RAB3GAP1: variants seen among roughly 807,000 people sequenced by gnomAD.
The protein encoded by RAB3GAP1 is rab3 GTPase-activating protein catalytic subunit.
Under a neutral mutation model 130.7 loss-of-function variants are expected in RAB3GAP1, and 86 were observed. That is an observed-to-expected ratio of 0.66 (90% CI 0.55 to 0.79). The LOEUF is 0.79. Ranked by LOEUF, RAB3GAP1 falls within the 30% of genes least tolerant of loss-of-function variation. The pLI, the probability that RAB3GAP1 is intolerant of heterozygous loss-of-function variation, is 0.00. For missense variants in RAB3GAP1, 1,029 were observed against 1,169.4 expected (o/e 0.88, Z 1.75); for synonymous variants, 367 against 401.7 (o/e 0.91, Z 1.03).
rs561466466 is a variant in RAB3GAP1, at chr2:135,110,990, A to G, written c.363-2161A>G. 4.6e-5 allele frequency among the ~76,000 whole-genome samples: 7 copies of G among 152,220 alleles called. No homozygotes were observed. In the East Asian group the frequency reaches 1.3e-3, roughly 29 times the overall value. Reference sequence around the variant, plus strand: ...AGGGACATTTGAAAAAAAGAAAACTATTTTTCAAAGATCTTTAGAGCTCAA... The same window carrying G: ...AGGGACATTTGAAAAAAAGAAAACTGTTTTTCAAAGATCTTTAGAGCTCAA... On this transcript the variant is annotated intron_variant, in intron 5 of 23. Coordinates refer to ENST00000264158, the MANE Select transcript of RAB3GAP1 (RefSeq NM_012233.3).
chr2:135,079,129 A>G (rs758057342), intron 3 of RAB3GAP1, among the ~76,000 whole-genome samples: 17 of 151,992 alleles, frequency 1.1e-4, no homozygotes, highest in Admixed American at 6.6e-4. Context: ...TCAGCCTCCC[A>G]CAGTGCTGGG....
chr2:135,129,969 CAA>C, intron 11 of RAB3GAP1, 24 bp from the exon 12 acceptor site: 1 of 1,467,608 alleles, frequency 6.8e-7, no homozygotes, highest in Non-Finnish European at 9.4e-7. Flanking sequence ...AGTTAAGTGT[CAA>C]AAATAACTTT....
chr2:135,068,591 A>G (rs1488930392), intron 3 of RAB3GAP1, among the ~76,000 whole-genome samples: 2 of 152,132 alleles, frequency 1.3e-5, no homozygotes, highest in Non-Finnish European at 2.9e-5. Context: ...TGTCTCTACT[A>G]AAAATACAAA....
At chr2:135,057,900 T>G in intron 2 of RAB3GAP1, 111 bp from the exon 3 acceptor site, 1 of 765,382 alleles carries the variant, frequency 1.3e-6, no homozygotes, top group Non-Finnish European at 2.3e-6. Context: ...ATGTACTGAG[T>G]CCTCTCTGGT....
chr2:135,150,334 G>A (rs1436743229), intron 17 of RAB3GAP1, 35 bp from the exon 18 acceptor site: 1 of 1,613,324 alleles, frequency 6.2e-7, no homozygotes, highest in Admixed American at 1.7e-5. Context: ...TCTAAAAAGG[G>A]CTGTTTATGA....
At chr2:135,070,313 T>C (rs1213015812) in intron 3 of RAB3GAP1, among the ~76,000 whole-genome samples, 1 of 152,188 alleles carries the variant, frequency 6.6e-6, no homozygotes, top group Non-Finnish European at 1.5e-5. Flanking sequence ...GCTTCTTCTT[T>C]TAGGTCAACA....
chr2:135,145,397 C>T (rs931924300), intron 17 of RAB3GAP1, among the ~76,000 whole-genome samples: 1 of 139,282 alleles, frequency 7.2e-6, no homozygotes, highest in Non-Finnish European at 1.5e-5. Context: ...CACACACACA[C>T]ATACACACAC....
Position 135,134,011 on chromosome 2 carries a change from G to C in RAB3GAP1, c.1477G>C (p.Glu493Gln). 1 of 1,613,850 alleles carries C rather than the reference G, an allele frequency of 6.2e-7. No homozygotes were observed. Among genetic ancestry groups the C allele is most frequent in the South Asian group, 1.1e-5 (1 of 91,080 alleles). The stretch of plus-strand genomic sequence containing the variant: ...TGTTCTTGAAATGCGTTTCCGATGG[G>C]AAAACAACTTTCTGATTCCAGGGTA... The part of the protein sequence containing the change: ...EFVLEMRFRW[E>Q]NNFLIPGLAS... Residue 493 changes from glutamate (E) to glutamine (Q), a missense_variant, in exon 15 of 24, where the codon GAA becomes CAA. By Grantham distance (29) the Glu-to-Gln change is conservative (BLOSUM62 2). This residue lies in a region of RAB3GAP1 where 373 missense variants were observed against 493.6 expected (regional missense o/e 0.76). Coordinates refer to ENST00000264158, the MANE Select transcript of RAB3GAP1 (RefSeq NM_012233.3).
At chr2:135,146,545 G>A (rs1238520933) in intron 17 of RAB3GAP1, among the ~76,000 whole-genome samples, 2 of 152,062 alleles carry the variant, frequency 1.3e-5, no homozygotes, top group African/African-American at 4.8e-5. Context: ...TTGCTATGGC[G>A]AATGCAGTTG....
chr2:135,126,091 C>A, intron 9 of RAB3GAP1, 90 bp from the exon 10 acceptor site: 1 of 1,000,472 alleles, frequency 1.0e-6, no homozygotes, highest in Non-Finnish European at 1.6e-6. Flanking sequence ...CTGTAACATA[C>A]TTTTATTTCC....
chr2:135,088,160 A>G (rs556680796), intron 3 of RAB3GAP1, among the ~76,000 whole-genome samples: 1 of 152,322 alleles, frequency 6.6e-6, no homozygotes, highest in African/African-American at 2.4e-5. Flanking sequence ...TCTCTGTATC[A>G]TTTAAAAAGA....
chr2:135,175,483 CT>C (rs1317305844), downstream of RAB3GAP1: 21 of 152,264 alleles, frequency 1.4e-4, no homozygotes, highest in Non-Finnish European at 1.5e-4. Context: ...ACCAACAATC[CT>C]TGAGCGAGCC....
At chr2:135,108,852 A>G (rs1231104071) in intron 5 of RAB3GAP1, among the ~76,000 whole-genome samples, 1 of 152,094 alleles carries the variant, frequency 6.6e-6, no homozygotes, top group Non-Finnish European at 1.5e-5. Context: ...ATTTTAAGTT[A>G]GTTTTTGTGG....
At position 135,169,733 on chromosome 2, in the gene RAB3GAP1, G is replaced by A. The variant is rs1260913286; in HGVS notation, c.*952G>A. 1 of 456,224 alleles carries A rather than the reference G, an allele frequency of 2.2e-6. No individual in the cohort carries two copies. Among genetic ancestry groups the A allele is most frequent in the East Asian group, 7.0e-5 (1 of 14,360 alleles). The allele number at this position is 456,224 out of a possible 1,614,324, so 28.3% of individuals were successfully genotyped here. On this transcript the variant is annotated 3_prime_UTR_variant, in exon 24 of 24. Coordinates refer to ENST00000264158, the MANE Select transcript of RAB3GAP1 (RefSeq NM_012233.3). The stretch of plus-strand genomic sequence containing the variant: ...CACACTATTTTGCTTTTGTATTTTA[G>A]TTAAAATAATCGATGGGGATGTGTA...
chr2:135,162,631 T>TA lies in RAB3GAP1; in HGVS notation c.2367dup (p.Leu790ThrfsTer16). 1 of 1,614,028 alleles carries TA rather than the reference T, an allele frequency of 6.2e-7. No homozygotes were observed. The highest frequency in any genetic ancestry group is 8.5e-7 in the Non-Finnish European group (1 of 1,179,874). On this transcript the variant is annotated frameshift_variant, in exon 20 of 24. Coordinates refer to ENST00000264158, the MANE Select transcript of RAB3GAP1 (RefSeq NM_012233.3). LOFTEE classifies it high-confidence loss of function. ...TTACCTTGTGTGATTCATGCAGCTG[T>TA]ACTCAAGGTAAAGGAAGAAGGTAAA...
chr2:135,168,079 C>G (rs1273194182), intron 23 of RAB3GAP1, among the ~76,000 whole-genome samples: 1 of 152,144 alleles, frequency 6.6e-6, no homozygotes, highest in Non-Finnish European at 1.5e-5. Context: ...GACCAATGCC[C>G]CCACTTTTAA....
chr2:135,171,846 G>A (rs1692863842), downstream of RAB3GAP1, among the ~76,000 whole-genome samples: 1 of 152,096 alleles, frequency 6.6e-6, no homozygotes, highest in South Asian at 2.1e-4. Flanking sequence ...GTGACACTTG[G>A]GCAGAGACTG....
intron 12 of RAB3GAP1, 41 bp downstream of exon 12, chr2:135,130,128 A>G (rs1691489455): frequency 6.8e-7 from 1 of 1,467,650 alleles, no homozygotes; most frequent in Admixed American, 1.7e-5. Context: ...CAAATGTCTT[A>G]CTGTTTTTCC....
Position 135,130,688 on chromosome 2 carries a change from G to A in RAB3GAP1, c.1203G>A (p.Pro401=), listed in dbSNP as rs1486012288. ...AACACAGAGGTGTAGAGGAGTCACC[G>A]CTAAATAATGATGTTCTTAATACTA... is the stretch of plus-strand genomic sequence containing the variant. The part of the protein sequence containing the change: ...IRKHRGVEES[P]LNNDVLNTIL... Residue 401 remains proline, a synonymous_variant, in exon 13 of 24, where the codon CCG becomes CCA. Transcript: ENST00000264158. The A allele has an allele frequency of 1.1e-5, 18 of 1,613,506 alleles. No homozygotes were observed. Among genetic ancestry groups the A allele is most frequent in the African/African-American group, 1.3e-5 (1 of 75,016 alleles).
Sources: gnomAD v4.1 joint callset for allele counts (sites outside exome capture counted in the v4.1 genomes callset) on GRCh38, gnomAD v4.1.1 for gene constraint, gnomAD v4.1.1 regional missense constraint, MANE v1.5 for transcripts, NCBI Gene and HGNC (gene_info 2026-07-23, HGNC 2026-07-21) for gene names.